Variants in SRBD1 observed in about 807,000 individuals in gnomAD.
SRBD1 encodes S1 RNA binding domain 1, also known as S1 RNA-binding domain-containing protein 1.
A neutral mutation model predicts 115.3 loss-of-function variants in SRBD1; 88 were observed. The ratio of observed to expected loss-of-function variants is 0.76; its 90% CI spans 0.64 to 0.91. SRBD1 has a LOEUF of 0.91. Among genes scored for constraint, SRBD1 ranks in the 40% least tolerant of loss-of-function variants. SRBD1 has a pLI of 0.00. For missense variants in SRBD1, 1,385 were observed against 1,177.4 expected (o/e 1.18, Z -2.58); for synonymous variants, 509 against 407.7 (o/e 1.25, Z -2.99).
chr2:45,610,515 C>CTATA (rs1674411962), intron 1 of SRBD1, among the ~76,000 whole-genome samples: 1 of 152,218 alleles, frequency 6.6e-6, no homozygotes, highest in African/African-American at 2.4e-5. Context: ...TGGCAAAGGA[C>CTATA]TATAGCCCAG....
chr2:45,501,771 T>C (rs1013368379), intron 14 of SRBD1, among the ~76,000 whole-genome samples: 1 of 151,568 alleles, frequency 6.6e-6, no homozygotes, highest in East Asian at 1.9e-4. Context: ...GAGGCTGGAG[T>C]AGGTAAACAA....
chr2:45,446,372 G>A lies in SRBD1; in HGVS notation c.2050-26478C>T, dbSNP rs191412445. 3.3e-5 allele frequency among the ~76,000 whole-genome samples: 5 copies of A among 152,252 alleles called. No homozygotes were observed. In the East Asian group the frequency reaches 7.7e-4, roughly 24 times the overall value. The stretch of plus-strand genomic sequence containing the variant: ...CCATTATCATGCCTGGGGGAGAGCA[G>A]GGAGTCCCCTAACCATGTATACTGA... On this transcript the variant is annotated intron_variant, in intron 16 of 20. Coordinates refer to ENST00000263736, the MANE Select transcript of SRBD1 (RefSeq NM_018079.5).
intron 16 of SRBD1, among the ~76,000 whole-genome samples, chr2:45,471,158 A>G (rs1362779682): frequency 6.6e-6 from 1 of 152,182 alleles, no homozygotes; most frequent in Non-Finnish European, 1.5e-5. Flanking sequence ...ATGGCTATAC[A>G]TTTTACAACA....
At chr2:45,420,025 C>A in intron 16 of SRBD1, 131 bp from the exon 17 acceptor site, 1 of 773,006 alleles carries the variant, frequency 1.3e-6, no homozygotes. Context: ...CTTAGACACA[C>A]TGTTAGCAGA....
intron 16 of SRBD1, chr2:45,447,509 A>C (rs1156934155): frequency 4.6e-5 from 7 of 152,220 alleles, no homozygotes; most frequent in Admixed American, 1.3e-4. Context: ...CAAAGAGTTA[A>C]GTGATTTAAC....
intron 14 of SRBD1, among the ~76,000 whole-genome samples, chr2:45,511,100 T>C (rs976671895): frequency 6.6e-6 from 1 of 152,216 alleles, no homozygotes; most frequent in East Asian, 1.9e-4. Flanking sequence ...CACCCATCCC[T>C]TAGCACAATA....
At chr2:45,574,379 C>T (rs1424053244) in intron 8 of SRBD1, among the ~76,000 whole-genome samples, 2 of 152,210 alleles carry the variant, frequency 1.3e-5, no homozygotes, top group Non-Finnish European at 2.9e-5. Context: ...GGCCCCTCCA[C>T]TGAGATGCCT....
chr2:45,492,617 T>C (rs1012799722), intron 14 of SRBD1, among the ~76,000 whole-genome samples: 2 of 152,164 alleles, frequency 1.3e-5, no homozygotes, highest in African/African-American at 4.8e-5. Flanking sequence ...TTTTTGTATT[T>C]TGTAGTAGAG....
chr2:45,499,679 A>G (rs1019551715), intron 14 of SRBD1, among the ~76,000 whole-genome samples: 1 of 152,114 alleles, frequency 6.6e-6, no homozygotes, highest in Non-Finnish European at 1.5e-5. Context: ...TATATATGGT[A>G]AAAAACGGGG....
intron 19 of SRBD1, among the ~76,000 whole-genome samples, chr2:45,399,004 C>T (rs1259174814): frequency 6.6e-6 from 1 of 151,950 alleles, no homozygotes; most frequent in Non-Finnish European, 1.5e-5. Flanking sequence ...AATAAATTTA[C>T]AAGTGACATT....
intron 16 of SRBD1, among the ~76,000 whole-genome samples, chr2:45,433,547 G>C (rs1022078651): frequency 1.3e-5 from 2 of 152,124 alleles, no homozygotes; most frequent in African/African-American, 4.8e-5. Flanking sequence ...GTTTTTAAGA[G>C]TCATCCAAAC....
At chr2:45,537,807 T>C (rs1671811089) in intron 14 of SRBD1, among the ~76,000 whole-genome samples, 1 of 152,166 alleles carries the variant, frequency 6.6e-6, no homozygotes. Context: ...TCCCAGAGTA[T>C]GGAGTGCTAA....
At chr2:45,533,439 T>C (rs927692969) in intron 14 of SRBD1, among the ~76,000 whole-genome samples, 2 of 152,056 alleles carry the variant, frequency 1.3e-5, no homozygotes, top group Non-Finnish European at 1.5e-5. Context: ...AGAGGGTCTA[T>C]ATATAATTAT....
chr2:45,524,579 G>A (rs1046764231), intron 14 of SRBD1, among the ~76,000 whole-genome samples: 2 of 151,882 alleles, frequency 1.3e-5, no homozygotes, highest in African/African-American at 2.4e-5. Context: ...TAGGAATAAA[G>A]TTAACAAAAG....
intron 7 of SRBD1, among the ~76,000 whole-genome samples, chr2:45,578,077 T>G (rs1055875899): frequency 6.6e-6 from 1 of 152,086 alleles, no homozygotes; most frequent in African/African-American, 2.4e-5. Flanking sequence ...ACCTACCCAG[T>G]AGGAACTCAG....
At chr2:45,577,883 T>A (rs1231286719) in intron 7 of SRBD1, among the ~76,000 whole-genome samples, 1 of 152,068 alleles carries the variant, frequency 6.6e-6, no homozygotes, top group Admixed American at 6.6e-5. Context: ...ACATTTTTGA[T>A]CAGGGTAAAA....
chr2:45,568,118 G>T (rs762737791), intron 9 of SRBD1: 1 of 152,098 alleles, frequency 6.6e-6, no homozygotes, highest in Non-Finnish European at 1.5e-5. Context: ...TCAGTAAAAA[G>T]ACACACCAAT....
intron 9 of SRBD1, among the ~76,000 whole-genome samples, chr2:45,569,016 T>G (rs1672923906): frequency 6.6e-6 from 1 of 152,180 alleles, no homozygotes; most frequent in Admixed American, 6.5e-5. Flanking sequence ...GTGAAACATT[T>G]CAAATCTTTA....
intron 16 of SRBD1, among the ~76,000 whole-genome samples, chr2:45,468,450 T>C (rs1252036283): frequency 6.6e-6 from 1 of 151,624 alleles, no homozygotes; most frequent in Non-Finnish European, 1.5e-5. Flanking sequence ...TGCAGTGGCA[T>C]AATCACAACA....
Sources: allele counts gnomAD v4.1 joint callset (sites outside exome capture counted in the v4.1 genomes callset), GRCh38; gene constraint gnomAD v4.1.1; transcripts MANE v1.5; gene names NCBI Gene and HGNC (gene_info 2026-07-23, HGNC 2026-07-21).